Variants in CALN1 observed in about 807,000 individuals in gnomAD.
CALN1 encodes calcium-binding protein 8.
A neutral mutation model predicts 30.6 loss-of-function variants in CALN1; 17 were observed. The observed-to-expected ratio is 0.56, with a 90% confidence interval of 0.38 to 0.83. CALN1 has a LOEUF of 0.83. Ranked by LOEUF, CALN1 falls within the 40% of genes least tolerant of loss-of-function variation. The pLI is 0.00. For synonymous variants in CALN1, 156 were observed against 131.4 expected (o/e 1.19, Z -1.28); for missense variants, 291 against 354.9 (o/e 0.82, Z 1.45).
At chr7:72,123,037 T>C (rs1164593458) in intron 3 of CALN1, among the ~76,000 whole-genome samples, 1 of 152,146 alleles carries the variant, frequency 6.6e-6, no homozygotes, top group Non-Finnish European at 1.5e-5. Flanking sequence ...GAATACTGCA[T>C]AGCCAAGAGA....
At chr7:72,474,435 C>T in the CALN1 span, among the ~76,000 whole-genome samples, 5 of 152,126 alleles carry the variant, frequency 3.3e-5, no homozygotes, top group African/African-American at 7.2e-5. Flanking sequence ...CCTGTAATCC[C>T]GGCACTTTGG....
chr7:72,105,046 A>G (rs1332834241), intron 4 of CALN1, among the ~76,000 whole-genome samples: 1 of 151,464 alleles, frequency 6.6e-6, no homozygotes, highest in Non-Finnish European at 1.5e-5. Context: ...AAAAAAAAAA[A>G]GGTGAGAACA....
rs1349201747 is a variant in CALN1, at chr7:71,915,443, ACC to A, written c.502-104953_502-104952del. On this transcript the variant is annotated intron_variant, in intron 5 of 6. Coordinates refer to ENST00000395275, the MANE Select transcript of CALN1 (RefSeq NM_031468.4). The stretch of plus-strand genomic sequence containing the variant: ...ATGTCAAGCAACTATGTATTAAAAT[ACC>A]AATCTGGGCCAGGCACAGTGGCTCA... Among the ~76,000 whole-genome samples the A allele has an allele frequency of 4.6e-5, 7 of 152,306 alleles. No homozygotes were observed. In the South Asian group the frequency reaches 1.4e-3, roughly 32 times the overall value.
At chr7:72,433,404 C>T (rs1247398116) in intron 1 of CALN1, among the ~76,000 whole-genome samples, 1 of 152,048 alleles carries the variant, frequency 6.6e-6, no homozygotes, top group Non-Finnish European at 1.5e-5. Flanking sequence ...ACTAAAAAAC[C>T]CAAGAGTTCT....
intron 4 of CALN1, among the ~76,000 whole-genome samples, chr7:72,026,211 A>C (rs1801043258): frequency 6.6e-6 from 1 of 152,184 alleles, no homozygotes; most frequent in Admixed American, 6.5e-5. Context: ...TTCCTGGTGT[A>C]CTTGTCCCAG....
At chr7:72,241,629 C>G (rs1361288287) in intron 3 of CALN1, among the ~76,000 whole-genome samples, 3 of 152,046 alleles carry the variant, frequency 2.0e-5, no homozygotes, top group African/African-American at 4.8e-5. Context: ...TCGCTTGAAT[C>G]CAGGAGGCAG....
At position 72,278,817 on chromosome 7, in the gene CALN1, A is replaced by G. The variant is rs376637480; in HGVS notation, c.120-7T>C. The G allele has an allele frequency of 6.2e-7, 1 of 1,609,884 alleles. No individual in the cohort carries two copies. On this transcript the variant is annotated splice_polypyrimidine_tract_variant and splice_region_variant and intron_variant, in intron 2 of 6. Coordinates refer to ENST00000395275, the MANE Select transcript of CALN1 (RefSeq NM_031468.4). ...GTGGAACGGCATCTTTTCCCTGCCC[A>G]AGAGAGAACAGGGGAGGGGAAAAGA...
In CALN1 at chr7:71,965,305, A is replaced by G. The variant is rs576486422; in HGVS notation, c.501+58352T>C. On this transcript the variant is annotated intron_variant, in intron 5 of 6. Coordinates refer to ENST00000395275, the MANE Select transcript of CALN1 (RefSeq NM_031468.4). ...CTCAGCCTCCCAAAGTACTAAGATGACAGGTGTGAGCCACCATGCCCAGCC... is the reference window on the plus strand; with the variant it reads ...CTCAGCCTCCCAAAGTACTAAGATGGCAGGTGTGAGCCACCATGCCCAGCC... 3.3e-5 allele frequency among the ~76,000 whole-genome samples: 5 copies of G among 152,310 alleles called. No individual in the cohort carries two copies. The East Asian group carries it at 9.6e-4, about 29-fold the overall frequency.
intron 6 of CALN1, among the ~76,000 whole-genome samples, chr7:71,798,160 AG>A (rs1207104830): frequency 6.8e-6 from 1 of 146,086 alleles, no homozygotes; most frequent in African/African-American, 2.6e-5. Flanking sequence ...AGAGAGAGAG[AG>A]AGAGAGAGAG....
At chr7:71,838,092 G>T (rs1282906174) in intron 5 of CALN1, among the ~76,000 whole-genome samples, 1 of 152,142 alleles carries the variant, frequency 6.6e-6, no homozygotes, top group East Asian at 1.9e-4. Context: ...GCATAAAATT[G>T]CCGTGTATTT....
intron 5 of CALN1, among the ~76,000 whole-genome samples, chr7:71,841,600 C>G (rs114064171): frequency 1.3e-5 from 2 of 152,142 alleles, no homozygotes; most frequent in Admixed American, 1.3e-4. Flanking sequence ...ATGGAATCAA[C>G]CTAGGTGCCC....
At chr7:71,804,756 G>T (rs1787508157) in intron 6 of CALN1, among the ~76,000 whole-genome samples, 1 of 152,152 alleles carries the variant, frequency 6.6e-6, no homozygotes, top group Non-Finnish European at 1.5e-5. Flanking sequence ...GAGGTCAGGA[G>T]TTCGAGACCA....
At chr7:72,380,148 TCAGA>T (rs1381056239) in intron 2 of CALN1, among the ~76,000 whole-genome samples, 2 of 152,128 alleles carry the variant, frequency 1.3e-5, no homozygotes, top group Non-Finnish European at 1.5e-5. Context: ...AATCCAATAG[TCAGA>T]CAAAGAGAAG....
chr7:72,115,855 C>T (rs1016623828), intron 3 of CALN1, among the ~76,000 whole-genome samples: 2 of 151,948 alleles, frequency 1.3e-5, no homozygotes, highest in African/African-American at 4.8e-5. Flanking sequence ...TAACCAGCAA[C>T]CTACTCTCTA....
intron 5 of CALN1, among the ~76,000 whole-genome samples, chr7:72,017,967 G>C (rs897637276): frequency 2.6e-5 from 4 of 152,124 alleles, no homozygotes; most frequent in Admixed American, 1.3e-4. Context: ...TAACAGAAGT[G>C]TTGGCTGGCC....
At chr7:72,431,520 A>G (rs1425770138) in intron 1 of CALN1, among the ~76,000 whole-genome samples, 2 of 152,192 alleles carry the variant, frequency 1.3e-5, no homozygotes, top group Non-Finnish European at 2.9e-5. Flanking sequence ...GAGGGAAGGC[A>G]GCCCACCATA....
chr7:71,922,826 AATAT>A (rs1449549371), intron 5 of CALN1, among the ~76,000 whole-genome samples: 2 of 140,148 alleles, frequency 1.4e-5, no homozygotes, highest in African/African-American at 2.7e-5. Context: ...TAATATACAG[AATAT>A]ATATAAATAT....
chr7:72,282,580 G>C (rs1023608532), intron 2 of CALN1, among the ~76,000 whole-genome samples: 8 of 152,306 alleles, frequency 5.3e-5, no homozygotes, highest in Admixed American at 4.6e-4. Flanking sequence ...ATGTGAAAAT[G>C]CAGCAACAAG....
Position 71,888,973 on chromosome 7 carries a change from G to A in CALN1, c.502-78481C>T, listed in dbSNP as rs142420898. Reference sequence around the variant, plus strand: ...CAGGCCACCGCTGAGGAGGGAAGCCGCAGTGTGGTGAGGAGATCAGGAAAG... The same window carrying A: ...CAGGCCACCGCTGAGGAGGGAAGCCACAGTGTGGTGAGGAGATCAGGAAAG... On this transcript the variant is annotated intron_variant, in intron 5 of 6. Coordinates refer to ENST00000395275, the MANE Select transcript of CALN1 (RefSeq NM_031468.4). 8.7e-4 allele frequency among the ~76,000 whole-genome samples: 132 copies of A among 152,340 alleles called. 1 individual carries two copies. The highest frequency in any genetic ancestry group is 2.9e-3 in the African/African-American group (120 of 41,578).
Sources: allele counts gnomAD v4.1 joint callset (sites outside exome capture counted in the v4.1 genomes callset), GRCh38; gene constraint gnomAD v4.1.1; transcripts MANE v1.5; gene names NCBI Gene and HGNC (gene_info 2026-07-23, HGNC 2026-07-21).